SLC1A3: variants seen among roughly 807,000 people sequenced by gnomAD.
SLC1A3 encodes excitatory amino acid transporter 1.
Under a neutral mutation model 48.1 loss-of-function variants are expected in SLC1A3, and 21 were observed. That is an observed-to-expected ratio of 0.44 (90% confidence interval 0.31 to 0.63). SLC1A3 has a LOEUF of 0.63. SLC1A3 is among the 20% of genes least tolerant of loss of function. The pLI, the probability that SLC1A3 is intolerant of heterozygous loss-of-function variation, is 0.08. For missense variants in SLC1A3, 546 were observed against 689.0 expected, an observed-to-expected ratio of 0.79 and a Z score of 2.32; for synonymous variants, 239 against 251.4, an observed-to-expected ratio of 0.95 and a Z score of 0.47.
At chr5:36,603,795 A>G (rs528031100), upstream of SLC1A3, among the ~76,000 whole-genome samples, 1 of 152,364 alleles carries the variant, frequency 6.6e-6, no homozygotes, top group South Asian at 2.1e-4. Context: ...ATTGACATTC[A>G]TGATGATCCT....
chr5:36,641,587 C>T (rs551500560), intron 3 of SLC1A3, among the ~76,000 whole-genome samples: 1 of 152,142 alleles, frequency 6.6e-6, no homozygotes, highest in South Asian at 2.1e-4. Context: ...AAAGTGGAAA[C>T]ATTAGTAGCT....
chr5:36,615,324 T>C (rs1188347324), intron 2 of SLC1A3, among the ~76,000 whole-genome samples: 1 of 152,260 alleles, frequency 6.6e-6, no homozygotes. Context: ...GTCTAGTTTA[T>C]CTTCCTCTAA....
At chr5:36,619,287 G>T (rs1393369875) in intron 2 of SLC1A3, among the ~76,000 whole-genome samples, 1 of 152,266 alleles carries the variant, frequency 6.6e-6, no homozygotes, top group Admixed American at 6.5e-5. Flanking sequence ...AAAGACCAGG[G>T]ACCAGCAGAA....
intron 4 of SLC1A3, among the ~76,000 whole-genome samples, chr5:36,671,843 A>C (rs1249614297): frequency 6.6e-6 from 1 of 152,184 alleles, no homozygotes; most frequent in African/African-American, 2.4e-5. Context: ...TTTATCTACT[A>C]CTTGAAGCAG....
chr5:36,644,172 C>T (rs1740746157), intron 3 of SLC1A3, among the ~76,000 whole-genome samples: 1 of 145,784 alleles, frequency 6.9e-6, no homozygotes, highest in Non-Finnish European at 1.5e-5. Flanking sequence ...ATAGCCAAAA[C>T]CAAAAAGGAA....
chr5:36,652,936 A>G (rs1741142293), intron 3 of SLC1A3, among the ~76,000 whole-genome samples: 1 of 152,226 alleles, frequency 6.6e-6, no homozygotes, highest in African/African-American at 2.4e-5. Flanking sequence ...AAATGCTTCC[A>G]CTGGATAATG....
chr5:36,622,856 C>CAA (rs35350307), intron 2 of SLC1A3, among the ~76,000 whole-genome samples: 1 of 151,002 alleles, frequency 6.6e-6, no homozygotes, highest in African/African-American at 2.4e-5. Context: ...AAAAAAAATA[C>CAA]AAAAAATTAG....
At chr5:36,674,323 T>C (rs1742115754) in intron 5 of SLC1A3, among the ~76,000 whole-genome samples, 1 of 152,176 alleles carries the variant, frequency 6.6e-6, no homozygotes, top group South Asian at 2.1e-4. Context: ...AAATATCTCA[T>C]TGAGTCTGCT....
At chr5:36,599,030 G>A (rs1033498415) in intron 1 of SLC1A3, among the ~76,000 whole-genome samples, 5 of 152,098 alleles carry the variant, frequency 3.3e-5, no homozygotes, top group African/African-American at 7.2e-5. Flanking sequence ...ACATTTTGGG[G>A]GTACTAAGTT....
intron 3 of SLC1A3, among the ~76,000 whole-genome samples, chr5:36,635,067 G>A (rs1432424675): frequency 1.3e-5 from 2 of 151,978 alleles, no homozygotes; most frequent in Non-Finnish European, 2.9e-5. Flanking sequence ...CCATGGCTCT[G>A]GTGTATGTCT....
At chr5:36,657,647 A>C (rs938476414) in intron 3 of SLC1A3, among the ~76,000 whole-genome samples, 2 of 152,228 alleles carry the variant, frequency 1.3e-5, no homozygotes, top group Non-Finnish European at 2.9e-5. Context: ...TGATTTCAAT[A>C]GGCTGCAATG....
At chr5:36,682,538 G>C (rs1449013499) in intron 8 of SLC1A3, among the ~76,000 whole-genome samples, 3 of 152,076 alleles carry the variant, frequency 2.0e-5, no homozygotes, top group Admixed American at 6.5e-5. Context: ...AGGTGACAGA[G>C]TTAAAAATAA....
chr5:36,625,837 G>C (rs893216521), intron 2 of SLC1A3, among the ~76,000 whole-genome samples: 5 of 152,178 alleles, frequency 3.3e-5, no homozygotes, highest in Non-Finnish European at 7.3e-5. Context: ...GACAATGTAG[G>C]TGTTGTCTTA....
chr5:36,620,246 T>C (rs927901862), intron 2 of SLC1A3, among the ~76,000 whole-genome samples: 1 of 152,184 alleles, frequency 6.6e-6, no homozygotes, highest in Non-Finnish European at 1.5e-5. Flanking sequence ...CTACCCTAAG[T>C]TACTGACAGG....
chr5:36,655,718 G>A (rs1741257827), intron 3 of SLC1A3, among the ~76,000 whole-genome samples: 1 of 152,126 alleles, frequency 6.6e-6, no homozygotes, highest in Non-Finnish European at 1.5e-5. Context: ...ACTAACTAGT[G>A]GTGTCATTTT....
chr5:36,654,552 C>G (rs1454290357), intron 3 of SLC1A3, among the ~76,000 whole-genome samples: 3 of 152,180 alleles, frequency 2.0e-5, no homozygotes, highest in Admixed American at 1.3e-4. Flanking sequence ...ACTGTGGATG[C>G]CGATACACTT....
chr5:36,628,421 C>G (rs925161036), intron 2 of SLC1A3, among the ~76,000 whole-genome samples: 1 of 152,186 alleles, frequency 6.6e-6, no homozygotes, highest in Non-Finnish European at 1.5e-5. Flanking sequence ...ACCAACCCAC[C>G]ACCCCCAGCC....
chr5:36,654,237 T>C (rs934958716), intron 3 of SLC1A3, among the ~76,000 whole-genome samples: 2 of 152,076 alleles, frequency 1.3e-5, no homozygotes, highest in African/African-American at 4.8e-5. Flanking sequence ...GGAAACACAG[T>C]GAAAATGGTT....
chr5:36,676,948 G>C lies in SLC1A3; in HGVS notation c.624G>C (p.Thr208=), dbSNP rs553806020. 3 of 1,613,970 alleles carry C rather than the reference G, an allele frequency of 1.9e-6. No homozygotes were observed. Among genetic ancestry groups the C allele is most frequent in the African/African-American group, 2.7e-5 (2 of 75,022 alleles). The change falls in exon 6 of 10, where the codon ACG becomes ACC. Residue 208 remains threonine (T), a synonymous_variant. Coordinates refer to ENST00000265113, the MANE Select transcript of SLC1A3 (RefSeq NM_004172.5). The stretch of plus-strand genomic sequence containing the variant: ...AAGTGCCCATCCAGGCCAACGAAAC[G>C]CTTGTGGGTGCTGTGATAAACAATG... ...SFKVPIQANE[T]LVGAVINNVS...
Sources: allele counts gnomAD v4.1 joint callset (sites outside exome capture counted in the v4.1 genomes callset), GRCh38; gene constraint gnomAD v4.1.1; transcripts MANE v1.5; gene names NCBI Gene and HGNC (gene_info 2026-07-23, HGNC 2026-07-21).